KCNB2: variants seen among roughly 807,000 people sequenced by gnomAD.
KCNB2 encodes the protein potassium voltage-gated channel subfamily B member 2.
Under a neutral mutation model 61.5 loss-of-function variants are expected in KCNB2, and 15 were observed. The observed-to-expected ratio is 0.24, with a 90% CI of 0.16 to 0.38. The LOEUF is 0.38. Ranked by LOEUF, KCNB2 falls within the 10% of genes least tolerant of loss-of-function variation. The pLI is 1.00. For missense variants in KCNB2, 828 were observed against 1,125.2 expected, an observed-to-expected ratio of 0.74 and a Z score of 3.78; for synonymous variants, 457 against 446.0, an observed-to-expected ratio of 1.02 and a Z score of -0.31.
chr8:72,671,563 G>A (rs2128988219), intron 2 of KCNB2, among the ~76,000 whole-genome samples: 1 of 152,230 alleles, frequency 6.6e-6, no homozygotes, highest in African/African-American at 2.4e-5. Context: ...TTCCATCACA[G>A]CCTTAATATA....
intron 2 of KCNB2, among the ~76,000 whole-genome samples, chr8:72,822,873 C>T (rs1211645663): frequency 6.6e-6 from 1 of 152,086 alleles, no homozygotes; most frequent in Non-Finnish European, 1.5e-5. Flanking sequence ...ACCTCATTTC[C>T]TTGACCTCCT....
intron 2 of KCNB2, among the ~76,000 whole-genome samples, chr8:72,609,777 A>G (rs1182606449): frequency 1.3e-5 from 2 of 152,212 alleles, no homozygotes; most frequent in African/African-American, 4.8e-5. Context: ...CACTATGTTT[A>G]TGTGTGCACT....
intron 2 of KCNB2, among the ~76,000 whole-genome samples, chr8:72,662,180 C>T (rs1806392810): frequency 6.6e-6 from 1 of 152,138 alleles, no homozygotes. Context: ...GGTCTCAGGG[C>T]TCTGGCAGCA....
chr8:72,649,573 A>G (rs1196568707), intron 2 of KCNB2, among the ~76,000 whole-genome samples: 4 of 152,170 alleles, frequency 2.6e-5, no homozygotes, highest in Admixed American at 2.6e-4. Context: ...CTGCATGTGT[A>G]TCCCCTGAAT....
intron 2 of KCNB2, among the ~76,000 whole-genome samples, chr8:72,868,676 A>C (rs1468344893): frequency 6.6e-6 from 1 of 152,232 alleles, no homozygotes; most frequent in Non-Finnish European, 1.5e-5. Context: ...TGTCTACTTT[A>C]AGTGAACATT....
rs552276524 is a variant in KCNB2, at chr8:72,860,445, T to A, written c.580-75490T>A. Reference sequence around the variant, plus strand: ...TAATGGCTAACAATGTTGGGCATCTTTTAATGTGCTTACTAGTCATTTGTA... The same window carrying A: ...TAATGGCTAACAATGTTGGGCATCTATTAATGTGCTTACTAGTCATTTGTA... On this transcript the variant is annotated intron_variant, in intron 2 of 2. Coordinates refer to ENST00000523207, the MANE Select transcript of KCNB2 (RefSeq NM_004770.3). Among the ~76,000 whole-genome samples, 28 of 152,358 alleles carry A rather than the reference T, an allele frequency of 1.8e-4. No individual in the cohort carries two copies. The South Asian group carries it at 5.8e-3, about 32-fold the overall frequency.
intron 2 of KCNB2, among the ~76,000 whole-genome samples, chr8:72,666,344 G>A (rs200728432): frequency 6.6e-6 from 1 of 151,910 alleles, no homozygotes; most frequent in African/African-American, 2.4e-5. Flanking sequence ...GGGAAAAAAG[G>A]CCCTTCCACT....
intron 2 of KCNB2, among the ~76,000 whole-genome samples, chr8:72,930,286 A>T (rs1379041383): frequency 2.0e-5 from 3 of 151,928 alleles, no homozygotes; most frequent in Non-Finnish European, 4.4e-5. Context: ...TTATAGCAGC[A>T]TGATTTATAG....
chr8:72,834,432 T>A (rs1409291167), intron 2 of KCNB2, among the ~76,000 whole-genome samples: 1 of 152,224 alleles, frequency 6.6e-6, no homozygotes, highest in African/African-American at 2.4e-5. Context: ...TGGAGCGATG[T>A]GAGCATCAGC....
At chr8:72,606,958 C>T (rs1243842880) in intron 2 of KCNB2, among the ~76,000 whole-genome samples, 1 of 152,076 alleles carries the variant, frequency 6.6e-6, no homozygotes, top group Non-Finnish European at 1.5e-5. Context: ...CCTGAGGGAT[C>T]AGTGTTGAGG....
chr8:72,561,711 A>ATATATATATATATATATATATATG (rs1806519194), intron 1 of KCNB2, among the ~76,000 whole-genome samples: 1 of 23,994 alleles, frequency 4.2e-5, no homozygotes, highest in Non-Finnish European at 6.6e-5. Context: ...ATATATATAT[A>ATATATATATATATATATATATATG]TATATATATA....
intron 2 of KCNB2, among the ~76,000 whole-genome samples, chr8:72,898,728 A>G (rs969436752): frequency 1.2e-4 from 19 of 152,122 alleles, no homozygotes; most frequent in African/African-American, 3.6e-4. Flanking sequence ...GGTATATTAC[A>G]TGATGCTGAG....
At chr8:72,725,596 T>TACAC in intron 2 of KCNB2, among the ~76,000 whole-genome samples, 1 of 98,972 alleles carries the variant, frequency 1.0e-5, no homozygotes, top group African/African-American at 4.3e-5. Context: ...TGTATGTATA[T>TACAC]ATATATATAT....
chr8:72,820,393 A>G (rs1435873985), intron 2 of KCNB2, among the ~76,000 whole-genome samples: 1 of 152,184 alleles, frequency 6.6e-6, no homozygotes, highest in Non-Finnish European at 1.5e-5. Flanking sequence ...GAACTTTCCA[A>G]TTAATTTGCA....
At chr8:72,821,629 CA>C (rs375693762) in intron 2 of KCNB2, among the ~76,000 whole-genome samples, 736 of 53,678 alleles carry the variant, frequency 0.014, 20 homozygotes, top group African/African-American at 0.06. Context: ...TACACACACA[CA>C]CAAAAAAAAA....
chr8:72,767,905 C>T (rs2128996947), intron 2 of KCNB2, among the ~76,000 whole-genome samples: 1 of 151,304 alleles, frequency 6.6e-6, no homozygotes, highest in South Asian at 2.2e-4. Context: ...TTATTATAGC[C>T]ATCCTCCTGG....
intron 2 of KCNB2, among the ~76,000 whole-genome samples, chr8:72,630,521 G>A (rs890138944): frequency 1.8e-4 from 27 of 152,126 alleles, no homozygotes; most frequent in Admixed American, 1.6e-3. Flanking sequence ...ACCACAAACT[G>A]AGCAGCTTAA....
rs1296660517 is a variant in KCNB2 at position 72,570,784 on chromosome 8, G to C, written c.579+2471G>C. 2.0e-5 allele frequency among the ~76,000 whole-genome samples: 3 copies of C among 152,118 alleles called. No homozygotes were observed. The East Asian group carries it at 5.8e-4, about 29-fold the overall frequency. On this transcript the variant is annotated intron_variant, in intron 2 of 2. Coordinates refer to ENST00000523207, the MANE Select transcript of KCNB2 (RefSeq NM_004770.3). The stretch of plus-strand genomic sequence containing the variant: ...AGGAATGCTTGGAACCTTCGTGTTT[G>C]TCCTCACTTGCTGAGGAGGTAAGAT...
intron 2 of KCNB2, among the ~76,000 whole-genome samples, chr8:72,658,932 A>G (rs1044333520): frequency 4.6e-5 from 7 of 152,322 alleles, no homozygotes; most frequent in South Asian, 4.1e-4. Flanking sequence ...CTGACAATGC[A>G]CTTGGTCTCT....
Sources: allele counts gnomAD v4.1 joint callset (sites outside exome capture counted in the v4.1 genomes callset), GRCh38; gene constraint gnomAD v4.1.1; transcripts MANE v1.5; gene names NCBI Gene and HGNC (gene_info 2026-07-23, HGNC 2026-07-21).